PDE3A: variants seen among roughly 807,000 people sequenced by gnomAD.
PDE3A encodes the protein cGMP-inhibited 3',5'-cyclic phosphodiesterase 3A.
PDE3A carries 43 observed loss-of-function variants against 98.3 expected under a neutral mutation model. The ratio of observed to expected loss-of-function variants is 0.44; its 90% CI spans 0.34 to 0.56. The LOEUF (loss-of-function observed/expected upper bound fraction) is 0.56, where lower values mean the gene tolerates loss of function less well. Ranked by LOEUF, PDE3A falls within the 20% of genes least tolerant of loss-of-function variation. PDE3A has a pLI of 0.01. For synonymous variants in PDE3A, 663 were observed against 567.9 expected (o/e 1.17, Z -2.38); for missense variants, 1,427 against 1,440.7 (o/e 0.99, Z 0.15).
In PDE3A at chr12:20,552,531, G is replaced by T. The variant is rs1179066697; in HGVS notation, c.961-4129G>T. On this transcript the variant is annotated intron_variant, in intron 1 of 15. Coordinates refer to ENST00000359062, the MANE Select transcript of PDE3A (RefSeq NM_000921.5). The surrounding 1 kb of genome is among the most constrained non-coding windows in gnomAD (Gnocchi z 5.1). ...AGAGGGAGGAGGAGGAGCAGCAGGA[G>T]GGGGGCTTCGCGTCCCCCAGGACGG... The T allele has an allele frequency of 4.3e-6, 7 of 1,613,080 alleles. No homozygotes were observed. Among genetic ancestry groups the T allele is most frequent in the Non-Finnish European group, 4.2e-6 (5 of 1,179,544 alleles).
chr12:20,493,226 A>T (rs1415145540), intron 1 of PDE3A, among the ~76,000 whole-genome samples: 1 of 152,134 alleles, frequency 6.6e-6, no homozygotes, highest in Non-Finnish European at 1.5e-5. Flanking sequence ...TTAGCAGTGT[A>T]TCTTGATCAC....
At chr12:20,523,306 A>G (rs76420172) in intron 1 of PDE3A, among the ~76,000 whole-genome samples, 5,028 of 152,172 alleles carry the variant, frequency 0.033, 121 homozygotes, top group Middle Eastern at 0.065. Context: ...TTCCCAGCTT[A>G]TGGGATCCAG....
chr12:20,621,037 GATA>G (rs1179257124), intron 4 of PDE3A, among the ~76,000 whole-genome samples: 2 of 152,144 alleles, frequency 1.3e-5, no homozygotes, highest in East Asian at 3.9e-4. Flanking sequence ...TTATTAATTG[GATA>G]ATAAGAAAGT....
chr12:20,669,370 G>C (rs1240345890), intron 15 of PDE3A, among the ~76,000 whole-genome samples: 2 of 151,948 alleles, frequency 1.3e-5, no homozygotes, highest in African/African-American at 4.8e-5. Flanking sequence ...TACTCCTCAA[G>C]AAGAGCAACT....
intron 15 of PDE3A, among the ~76,000 whole-genome samples, chr12:20,676,497 AC>A (rs1945642935): frequency 1.3e-5 from 1 of 79,152 alleles, no homozygotes; most frequent in African/African-American, 4.1e-5. Context: ...TATGTCTTTG[AC>A]TTTTTTTTTT....
At chr12:20,400,661 G>T (rs1021517472) in intron 1 of PDE3A, among the ~76,000 whole-genome samples, 3 of 151,818 alleles carry the variant, frequency 2.0e-5, no homozygotes, top group Non-Finnish European at 2.9e-5. Flanking sequence ...CTCGTGATCC[G>T]CCCGCCTCGG....
intron 1 of PDE3A, among the ~76,000 whole-genome samples, chr12:20,467,416 T>C (rs1945357707): frequency 6.6e-6 from 1 of 152,080 alleles, no homozygotes; most frequent in Admixed American, 6.5e-5. Flanking sequence ...TTTCTGTTAA[T>C]TTATACTCTA....
At chr12:20,421,616 C>A (rs369612842) in intron 1 of PDE3A, among the ~76,000 whole-genome samples, 8,364 of 130,320 alleles carry the variant, frequency 0.064, 332 homozygotes, top group African/African-American at 0.14. Context: ...AAAAAAAAAA[C>A]CACCCATGCT....
chr12:20,504,581 G>T (rs1003594192), intron 1 of PDE3A, among the ~76,000 whole-genome samples: 3 of 152,014 alleles, frequency 2.0e-5, no homozygotes, highest in Non-Finnish European at 4.4e-5. Flanking sequence ...TAAAATCAAG[G>T]TGCTGGCAAG....
intron 15 of PDE3A, among the ~76,000 whole-genome samples, chr12:20,671,547 A>T (rs948111783): frequency 2.3e-4 from 34 of 151,038 alleles, no homozygotes; most frequent in Admixed American, 2.0e-3. Context: ...GGTTCAATAT[A>T]CGCAAATCAA....
chr12:20,444,295 T>G (rs1469984244), intron 1 of PDE3A, among the ~76,000 whole-genome samples: 2 of 152,210 alleles, frequency 1.3e-5, no homozygotes, highest in Non-Finnish European at 2.9e-5. Flanking sequence ...GTTTTCCATG[T>G]GCCTTAGACC....
chr12:20,633,915 GTCTCAAAC>G, intron 7 of PDE3A, 137 bp downstream of exon 7: 1 of 546,960 alleles, frequency 1.8e-6, no homozygotes, highest in South Asian at 2.3e-5. Context: ...GGTCAGGTCG[GTCTCAAAC>G]TCCTGGCCTC....
chr12:20,553,112 T>C, intron 1 of PDE3A: 1 of 778,542 alleles, frequency 1.3e-6, no homozygotes. Context: ...AAACAGGTAG[T>C]GTTTCCTCCG....
intron 5 of PDE3A, among the ~76,000 whole-genome samples, chr12:20,623,287 C>CA (rs11310271): frequency 6.6e-6 from 1 of 151,702 alleles, no homozygotes; most frequent in Non-Finnish European, 1.5e-5. Flanking sequence ...AGATAGAAGA[C>CA]AAAAAATACT....
At chr12:20,481,764 A>ATTTTTTTTC (rs1945630173) in intron 1 of PDE3A, among the ~76,000 whole-genome samples, 2 of 79,584 alleles carry the variant, frequency 2.5e-5, no homozygotes, top group Non-Finnish European at 4.3e-5. Flanking sequence ...TGGGAAATAG[A>ATTTTTTTTC]TTTTTTTTTT....
At chr12:20,435,982 G>A (rs960942248) in intron 1 of PDE3A, among the ~76,000 whole-genome samples, 8 of 152,012 alleles carry the variant, frequency 5.3e-5, no homozygotes, top group African/African-American at 1.7e-4. Flanking sequence ...TGGTGTGGGA[G>A]GGGTTTTTCT....
chr12:20,636,380 CG>C (rs1565458030), intron 8 of PDE3A, among the ~76,000 whole-genome samples: 1 of 152,094 alleles, frequency 6.6e-6, no homozygotes, highest in Non-Finnish European at 1.5e-5. Context: ...TCAGAGAGAT[CG>C]TCAGGTAAAA....
chr12:20,465,069 AT>A (rs1178135482), intron 1 of PDE3A, among the ~76,000 whole-genome samples: 3 of 152,118 alleles, frequency 2.0e-5, no homozygotes, highest in Non-Finnish European at 2.9e-5. Context: ...ATCATACCCC[AT>A]TTTTATTTTC....
chr12:20,390,098 G>A (rs1007339413), intron 1 of PDE3A, among the ~76,000 whole-genome samples: 1 of 151,922 alleles, frequency 6.6e-6, no homozygotes, highest in African/African-American at 2.4e-5. Context: ...AAGACAGGTG[G>A]AAAAGACATG....
Sources: gnomAD v4.1 joint callset for allele counts (sites outside exome capture counted in the v4.1 genomes callset) on GRCh38, gnomAD v4.1.1 for gene constraint, Gnocchi (gnomAD v3.1) non-coding constraint, MANE v1.5 for transcripts, NCBI Gene and HGNC (gene_info 2026-07-23, HGNC 2026-07-21) for gene names.